ALS2CL: variants seen among roughly 807,000 people sequenced by gnomAD.
ALS2CL encodes the protein ALS2 C-terminal like.
A neutral mutation model predicts 127.9 loss-of-function variants in ALS2CL; 112 were observed. The ratio of observed to expected loss-of-function variants is 0.88; its 90% CI spans 0.75 to 1.02. The LOEUF (loss-of-function observed/expected upper bound fraction) is 1.02. Ranked by LOEUF, ALS2CL falls within the 50% of genes least tolerant of loss-of-function variation. The probability of loss-of-function intolerance (pLI) is 0.00; values close to 1 mark genes in which losing one functional copy is unlikely to be tolerated. For missense variants in ALS2CL, 1,174 were observed against 1,236.7 expected, an observed-to-expected ratio of 0.95 and a Z score of 0.76; for synonymous variants, 519 against 527.6, an observed-to-expected ratio of 0.98 and a Z score of 0.22.
In ALS2CL at chr3:46,681,571, G is replaced by A. The variant is rs1388224448; in HGVS notation, c.1203C>T (p.Ala401=). Residue 401 remains alanine, a synonymous_variant, in exon 12 of 26, where the codon GCC becomes GCT. Transcript: ENST00000318962. The surrounding 1 kb of genome is among the most constrained non-coding windows in gnomAD (Gnocchi z 4.9). The part of the protein sequence containing the change: ...HGFGIRLLPQ[A]SEDKFDCYKC... ...TGTAACAGTCGAACTTGTCCTCAGA[G>A]GCCTGGGGCAGCAGGCGGATGCCGA... is the stretch of plus-strand genomic sequence containing the variant. 6.2e-7 allele frequency: 1 copy of A among 1,614,124 alleles called. No homozygotes were observed. Among genetic ancestry groups the A allele is most frequent in the Non-Finnish European group, 8.5e-7 (1 of 1,180,000 alleles).
At chr3:46,688,426 G>T in intron 2 of ALS2CL, 130 bp from the exon 3 acceptor site, 1 of 864,660 alleles carries the variant, frequency 1.2e-6, no homozygotes, top group Non-Finnish European at 1.8e-6. Flanking sequence ...AGCAGGGTCT[G>T]CATCCCTGGG....
In ALS2CL at chr3:46,673,355, G is replaced by A. The variant is rs772432259; in HGVS notation, c.2456C>T (p.Thr819Met). 2.0e-5 allele frequency: 32 copies of A among 1,565,874 alleles called. 1 individual carries two copies. Among genetic ancestry groups the A allele is most frequent in the South Asian group, 1.9e-4 (16 of 84,846 alleles). ...QKHLWPLKDL[T>M]LTSNQRYSLV... is the part of the protein sequence containing the mutation. ...CCCTCTCACCTGATTGCTCGTCAGC[G>A]TGAGGTCCTTGAGGGGCCACAAGTG... is the stretch of plus-strand genomic sequence containing the variant. Residue 819 changes from threonine to methionine, a missense_variant, in exon 22 of 26, where the codon ACG becomes ATG. Thr to Met is a moderately conservative substitution (Grantham distance 81). Transcript: ENST00000318962.
intron 1 of ALS2CL, among the ~76,000 whole-genome samples, chr3:46,693,306 G>C (rs1295388827): frequency 6.6e-6 from 1 of 152,266 alleles, no homozygotes; most frequent in African/African-American, 2.4e-5. Flanking sequence ...CCACCTCCTG[G>C]AATCCCGGGT....
Position 46,672,164 on chromosome 3 carries a change from G to A in ALS2CL, c.2510C>T (p.Ala837Val), listed in dbSNP as rs1457197413. ...CATGATCTTCTGCAGGCACTCGGTG[G>A]CTGACAGGAAACACTTGTCCCTGAC... ...SLVRDKCFLS[A>V]TECLQKIMTT... The change falls in exon 23 of 26, where the codon GCC (alanine) becomes GTC (valine). Residue 837 changes from alanine (A) to valine (V), a missense_variant. By Grantham distance (64) the Ala-to-Val change is moderately conservative. Transcript: ENST00000318962. The A allele has an allele frequency of 2.2e-5, 36 of 1,614,084 alleles. No homozygotes were observed. Among genetic ancestry groups the A allele is most frequent in the Non-Finnish European group, 3.1e-5 (36 of 1,180,024 alleles).
chr3:46,683,026 C>T, intron 10 of ALS2CL, 104 bp downstream of exon 10: 1 of 1,244,450 alleles, frequency 8.0e-7, no homozygotes, highest in Non-Finnish European at 1.1e-6. Context: ...CAGAGAGTAA[C>T]CGCTCCTGGA....
rs1357507357 is a variant in ALS2CL, at chr3:46,676,948, C to T, written c.1832G>A (p.Cys611Tyr). 1.9e-6 allele frequency: 3 copies of T among 1,613,584 alleles called. No individual in the cohort carries two copies. The highest frequency in any genetic ancestry group is 1.3e-5 in the African/African-American group (1 of 74,954). Reference sequence around the variant, plus strand: ...CTGCAGGTCCCTGGGGCAGCCAGCACACACAAAGTCCCGGAAGGGGCTGTA... The same window carrying T: ...CTGCAGGTCCCTGGGGCAGCCAGCATACACAAAGTCCCGGAAGGGGCTGTA... Reference protein sequence around the residue: ...GVYSPFRDFVCAGCPRDLQEA... With the variant: ...GVYSPFRDFVYAGCPRDLQEA... Residue 611 changes from cysteine (C) to tyrosine (Y), a missense_variant, in exon 17 of 26, where the codon TGT (cysteine) becomes TAT (tyrosine). Transcript: ENST00000318962.
chr3:46,674,541 C>A (rs192417449), intron 21 of ALS2CL, 25 bp downstream of exon 21: 4 of 1,598,600 alleles, frequency 2.5e-6, no homozygotes, highest in Non-Finnish European at 3.4e-6. Context: ...CTGGCTAACA[C>A]GGCACGGGGG....
rs1029365977 is a variant in ALS2CL at position 46,686,637 on chromosome 3, T to C, written c.535-198A>G. Reference sequence around the variant, plus strand: ...AGCTTGGCCCTGGGCCCACGTGTCCTCATTCCCAGGACGTGATTCTACCCC... The same window carrying C: ...AGCTTGGCCCTGGGCCCACGTGTCCCCATTCCCAGGACGTGATTCTACCCC... On this transcript the variant is annotated intron_variant, in intron 5 of 25. Transcript: ENST00000318962. The surrounding 1 kb of genome is among the most constrained non-coding windows in gnomAD (Gnocchi z 4.3). Among the ~76,000 whole-genome samples the C allele has an allele frequency of 1.3e-5, 2 of 152,056 alleles. No homozygotes were observed. Among genetic ancestry groups the C allele is most frequent in the African/African-American group, 4.8e-5 (2 of 41,370 alleles).
rs749525958 is a variant in ALS2CL, at chr3:46,682,060, CGT to C, written c.1142_1143del (p.His381ArgfsTer22). On this transcript the variant is annotated frameshift_variant, in exon 11 of 26. Transcript: ENST00000318962. LOFTEE classifies it high-confidence loss of function. Reference sequence around the variant, plus strand: ...TCCAGGCCCTGGCAGAAATTCCCCACGTGATTCCGCCCATCCGGCCATTTCAG... The same window carrying C: ...TCCAGGCCCTGGCAGAAATTCCCCACGATTCCGCCCATCCGGCCATTTCAG... Reference protein sequence around the residue: ...GTLKWPDGRNHVGNFCQGLEH... With the variant: ...GTLKWPDGRNXVGNFCQGLEH... 2.5e-5 allele frequency: 40 copies of C among 1,614,050 alleles called. No individual in the cohort carries two copies. The East Asian group carries it at 4.5e-4, about 18-fold the overall frequency.
At position 46,676,674 on chromosome 3, in the gene ALS2CL, CCCGGTGCTGCAGCAGCT is replaced by C. The variant is rs745817844; in HGVS notation, c.1979_1995del (p.Glu660GlyfsTer82). 2 of 1,613,558 alleles carry C rather than the reference CCCGGTGCTGCAGCAGCT, an allele frequency of 1.2e-6. No homozygotes were observed. The highest frequency in any genetic ancestry group is 4.5e-5 in the East Asian group (2 of 44,874). ...AGGTACAGCTGCAGGGCCTTGGGCT[CCCGGTGCTGCAGCAGCT>C]CCTCCAGGATGTCTTCCATACTGCC... On this transcript the variant is annotated frameshift_variant, in exon 18 of 26. Transcript: ENST00000318962. LOFTEE classifies it high-confidence loss of function.
rs140466271 is a variant in ALS2CL, at chr3:46,688,190, T to A, written c.210A>T (p.Ser70=). The change falls in exon 3 of 26, where the codon TCA becomes TCT. Residue 70 remains serine (S), a synonymous_variant. Transcript: ENST00000318962. ...LWEVTEESLH[S]LQERLRYPDS... Reference sequence around the variant, plus strand: ...CCGGGTAACGCAGCCTCTCCTGCAGTGAGTGCAGGCTTTCCTCCGTCACCT... The same window carrying A: ...CCGGGTAACGCAGCCTCTCCTGCAGAGAGTGCAGGCTTTCCTCCGTCACCT... 1.8e-4 allele frequency: 291 copies of A among 1,613,074 alleles called. 1 individual carries two copies. In the African/African-American group the frequency reaches 3.5e-3, roughly 20 times the overall value.
In ALS2CL at chr3:46,691,490, T is replaced by C. The variant is rs1700150098; in HGVS notation, c.-25-2025A>G. Among the ~76,000 whole-genome samples the C allele has an allele frequency of 1.3e-5, 2 of 151,960 alleles. 1 individual carries two copies. The highest frequency in any genetic ancestry group is 4.2e-4 in the South Asian group (2 of 4,812). On this transcript the variant is annotated intron_variant, in intron 1 of 25. Transcript: ENST00000318962. Reference sequence around the variant, plus strand: ...CCGACACCATACCCTGGCAAGGAGCTCTCTGACCCTAGAGATAGCCTCTCC... The same window carrying C: ...CCGACACCATACCCTGGCAAGGAGCCCTCTGACCCTAGAGATAGCCTCTCC...
In ALS2CL at chr3:46,681,509, C is replaced by G; in HGVS notation, c.1265G>C (p.Gly422Ala). Residue 422 changes from glycine to alanine, a missense_variant, in exon 12 of 26, where the codon GGC becomes GCC. By Grantham distance (60) the Gly-to-Ala change is moderately conservative (BLOSUM62 0). Coordinates refer to ENST00000318962, the MANE Select transcript of ALS2CL (RefSeq NM_147129.5). This position sits in a 1 kb window ranked among gnomAD's most constrained non-coding sequence, Gnocchi z 4.9. ...AGCCAGGGTCACTTACTCACAGATG[C>G]CGTAGCCACACATGCTGCCTTCTCG... The part of the protein sequence containing the change: ...HWREGSMCGY[G>A]ICEYSTDEVY... 6.2e-7 allele frequency: 1 copy of G among 1,614,148 alleles called. No individual in the cohort carries two copies. The highest frequency in any genetic ancestry group is 1.7e-5 in the Admixed American group (1 of 60,020).
intron 10 of ALS2CL, 43 bp from the exon 11 acceptor site, chr3:46,682,137 C>T: frequency 6.3e-7 from 1 of 1,596,784 alleles, no homozygotes; most frequent in Non-Finnish European, 8.6e-7. Flanking sequence ...CCTACCCACC[C>T]CTCAGCAACC....
intron 25 of ALS2CL, 45 bp from the exon 26 acceptor site, chr3:46,671,109 CCCAA>C: frequency 6.4e-7 from 1 of 1,567,812 alleles, no homozygotes; most frequent in Non-Finnish European, 8.8e-7. Flanking sequence ...CCTGCCTGAT[CCCAA>C]CCACATGCAC....
In ALS2CL at chr3:46,671,010, G is replaced by A; in HGVS notation, c.2836C>T (p.His946Tyr). The A allele has an allele frequency of 1.2e-6, 2 of 1,614,200 alleles. No individual in the cohort carries two copies. Among genetic ancestry groups the A allele is most frequent in the African/African-American group, 2.7e-5 (2 of 75,074 alleles). ...EDMRLHRLPG[H>Y]WHSRELW ...TACCAGAGCTCCCTGGAGTGCCAGT[G>A]GCCAGGTAAGCGGTGCAGCCTCATG... The change falls in exon 26 of 26, where the codon CAC becomes TAC. Residue 946 changes from histidine to tyrosine, a missense_variant. His to Tyr is a moderately conservative substitution (Grantham distance 83, BLOSUM62 2). Coordinates refer to ENST00000318962, the MANE Select transcript of ALS2CL (RefSeq NM_147129.5).
rs370059434 is a variant in ALS2CL, at chr3:46,676,758, T to C, written c.1932-20A>G. The C allele has an allele frequency of 6.2e-7, 1 of 1,613,070 alleles. No individual in the cohort carries two copies. Among genetic ancestry groups the C allele is most frequent in the Non-Finnish European group, 8.5e-7 (1 of 1,179,700 alleles). ...TGGGTCCTGGGCACCACACACAGCATCCCTCACCCACACCTCGGCCCAGCC... is the reference window on the plus strand; with the variant it reads ...TGGGTCCTGGGCACCACACACAGCACCCCTCACCCACACCTCGGCCCAGCC... On this transcript the variant is annotated intron_variant, in intron 17 of 25. Transcript: ENST00000318962.
At chr3:46,677,164 T>C (rs1405269305) in intron 16 of ALS2CL, 142 bp from the exon 17 acceptor site, 16 of 1,450,344 alleles carry the variant, frequency 1.1e-5, no homozygotes, top group South Asian at 7.2e-5. Flanking sequence ...GATTGAACCA[T>C]GCAGAGGGGG....
chr3:46,683,694 T>G, intron 9 of ALS2CL, 88 bp downstream of exon 9: 1 of 1,510,740 alleles, frequency 6.6e-7, no homozygotes, highest in Non-Finnish European at 9.2e-7. Flanking sequence ...GGCACTCCTG[T>G]GGGGCCCTGC....
Sources: gnomAD v4.1 joint callset for allele counts (sites outside exome capture counted in the v4.1 genomes callset) on GRCh38, gnomAD v4.1.1 for gene constraint, Gnocchi (gnomAD v3.1) non-coding constraint, MANE v1.5 for transcripts, NCBI Gene and HGNC (gene_info 2026-07-23, HGNC 2026-07-21) for gene names.